Variants in BMPR2 observed in about 807,000 individuals in gnomAD.
The protein encoded by BMPR2 is bone morphogenetic protein receptor type-2.
A neutral mutation model predicts 100.8 loss-of-function variants in BMPR2; 29 were observed. The ratio of observed to expected loss-of-function variants is 0.29; its 90% CI spans 0.21 to 0.39. The LOEUF (loss-of-function observed/expected upper bound fraction) is 0.39, where lower values mean the gene tolerates loss of function less well. Among genes scored for constraint, BMPR2 ranks in the 10% least tolerant of loss-of-function variants. BMPR2 has a pLI of 1.00. For missense variants in BMPR2, 1,011 were observed against 1,274.5 expected (o/e 0.79, Z 3.15); for synonymous variants, 382 against 442.3 (o/e 0.86, Z 1.71).
At position 202,443,558 on chromosome 2, in the gene BMPR2, CTCTT is replaced by C. The variant is rs1254108281; in HGVS notation, c.77-21242_77-21239del. Among the ~76,000 whole-genome samples the C allele has an allele frequency of 2.7e-5, 4 of 149,252 alleles. 1 individual carries two copies. Among genetic ancestry groups the C allele is most frequent in the African/African-American group, 7.7e-5 (3 of 39,070 alleles). Reference sequence around the variant, plus strand: ...TCTCTCTTTCTGTCTCTCTCTTTCTCTCTTTCTTTCTTCTTTTTTTTTCAAGACG... The same window carrying C: ...TCTCTCTTTCTGTCTCTCTCTTTCTCTCTTTCTTCTTTTTTTTTCAAGACG... On this transcript the variant is annotated intron_variant, in intron 1 of 12. Coordinates refer to ENST00000374580, the MANE Select transcript of BMPR2 (RefSeq NM_001204.7).
At chr2:202,393,882 CGAGAGA>C (rs56708616) in intron 1 of BMPR2, among the ~76,000 whole-genome samples, 5,389 of 97,798 alleles carry the variant, frequency 0.055, 98 homozygotes, top group Middle Eastern at 0.072. Context: ...AATGAGAGAG[CGAGAGA>C]GAGAGAGAGA....
intron 3 of BMPR2, among the ~76,000 whole-genome samples, chr2:202,486,598 C>T (rs1398115955): frequency 6.7e-6 from 1 of 150,290 alleles, no homozygotes; most frequent in Non-Finnish European, 1.5e-5. Flanking sequence ...CATCACTGCA[C>T]CTGGGCAATA....
At chr2:202,458,300 A>AAAAAAC (rs1692162459) in intron 1 of BMPR2, among the ~76,000 whole-genome samples, 2 of 149,596 alleles carry the variant, frequency 1.3e-5, no homozygotes, top group Non-Finnish European at 3.0e-5. Context: ...AAAAAAAAAA[A>AAAAAAC]AAAAAAAACG....
chr2:202,531,930 ATTTTTTTT>A lies in BMPR2; in HGVS notation c.1129-635_1129-628del, dbSNP rs71035015. 6.5e-4 allele frequency among the ~76,000 whole-genome samples: 34 copies of A among 52,292 alleles called. 1 individual carries two copies. Among genetic ancestry groups the A allele is most frequent in the South Asian group, 5.8e-3 (6 of 1,028 alleles). 34.3% of individuals were successfully genotyped at this position (52,292 alleles called of 152,430 possible). ...AGTGTGAGCCACCACGCCCAGCTGT[ATTTTTTTT>A]TTTTTTTTTTTTTTTTTTTGAGACG... On this transcript the variant is annotated intron_variant, in intron 8 of 12. Transcript: ENST00000374580.
intron 1 of BMPR2, among the ~76,000 whole-genome samples, chr2:202,451,951 T>C (rs941044723): frequency 1.3e-5 from 2 of 151,952 alleles, no homozygotes; most frequent in African/African-American, 4.8e-5. Flanking sequence ...ATGCGGTTTC[T>C]CCATGTTGGT....
At chr2:202,538,756 C>G (rs1281415584) in intron 9 of BMPR2, among the ~76,000 whole-genome samples, 2 of 146,748 alleles carry the variant, frequency 1.4e-5, no homozygotes, top group Admixed American at 1.4e-4. Flanking sequence ...ATCGCGCCAC[C>G]GCACTCCAGC....
At chr2:202,463,297 C>G (rs910363876) in intron 1 of BMPR2, among the ~76,000 whole-genome samples, 2 of 152,106 alleles carry the variant, frequency 1.3e-5, no homozygotes, top group Non-Finnish European at 2.9e-5. Context: ...ACAGATTGAT[C>G]GGCTGACACT....
intron 1 of BMPR2, among the ~76,000 whole-genome samples, chr2:202,382,354 G>A (rs556397908): frequency 4.1e-4 from 62 of 151,990 alleles, no homozygotes; most frequent in South Asian, 2.5e-3. Flanking sequence ...CACCACACCC[G>A]AAATTTTTTT....
In BMPR2 at chr2:202,562,111, G is replaced by A. The variant is rs1688686546; in HGVS notation, c.*2165G>A. On this transcript the variant is annotated 3_prime_UTR_variant, in exon 13 of 13. Transcript: ENST00000374580. ...TTTAGGATATTCTTTTCAAATATTTGTAGGACAACTTTGAATCAAAATAAA... is the reference window on the plus strand; with the variant it reads ...TTTAGGATATTCTTTTCAAATATTTATAGGACAACTTTGAATCAAAATAAA... 1 of 151,780 alleles carries A rather than the reference G, an allele frequency of 6.6e-6. No individual in the cohort carries two copies. Among genetic ancestry groups the A allele is most frequent in the Non-Finnish European group, 1.5e-5 (1 of 67,914 alleles). 9.4% of individuals were successfully genotyped at this position (151,780 alleles called of 1,614,324 possible).
intron 7 of BMPR2, among the ~76,000 whole-genome samples, chr2:202,527,557 G>A (rs1313600742): frequency 8.1e-5 from 12 of 148,210 alleles, no homozygotes; most frequent in Admixed American, 3.4e-4. Context: ...AGGCCGAGGC[G>A]GGTGGATCAT....
chr2:202,543,599 C>A (rs940323616), intron 10 of BMPR2, among the ~76,000 whole-genome samples: 1 of 151,936 alleles, frequency 6.6e-6, no homozygotes, highest in Non-Finnish European at 1.5e-5. Context: ...TATCACTCTC[C>A]GTAAGTAACT....
At chr2:202,428,666 C>T (rs1206256665) in intron 1 of BMPR2, among the ~76,000 whole-genome samples, 1 of 152,136 alleles carries the variant, frequency 6.6e-6, no homozygotes, top group African/African-American at 2.4e-5. Context: ...CTCAGCCTCC[C>T]AAAGTGTTGG....
chr2:202,549,909 G>A (rs1180820792), intron 10 of BMPR2, among the ~76,000 whole-genome samples: 1 of 151,604 alleles, frequency 6.6e-6, no homozygotes, highest in Non-Finnish European at 1.5e-5. Flanking sequence ...ATTCTTTTTT[G>A]GGGGTGGTGG....
intron 1 of BMPR2, among the ~76,000 whole-genome samples, chr2:202,455,205 TAA>T (rs1031962390): frequency 2.0e-5 from 3 of 152,158 alleles, no homozygotes; most frequent in African/African-American, 7.2e-5. Context: ...AAAACAATAC[TAA>T]AAATTCAGTT....
At chr2:202,552,958 T>G in intron 11 of BMPR2, 70 bp downstream of exon 11, 1 of 1,568,214 alleles carries the variant, frequency 6.4e-7, no homozygotes. Flanking sequence ...GAATAGAAAA[T>G]AAATACTTTT....
chr2:202,490,049 A>G (rs1323368263), intron 3 of BMPR2, among the ~76,000 whole-genome samples: 1 of 152,218 alleles, frequency 6.6e-6, no homozygotes, highest in Non-Finnish European at 1.5e-5. Flanking sequence ...TCAAGGGGCA[A>G]CATTTACTCA....
intron 1 of BMPR2, among the ~76,000 whole-genome samples, chr2:202,390,978 G>GTTT (rs1201898500): frequency 2.3e-4 from 18 of 78,512 alleles, no homozygotes; most frequent in South Asian, 1.5e-3. Flanking sequence ...TTAGTAAGTA[G>GTTT]TCTTTTTTTT....
At chr2:202,433,862 C>A (rs1038354137) in intron 1 of BMPR2, among the ~76,000 whole-genome samples, 1 of 150,138 alleles carries the variant, frequency 6.7e-6, no homozygotes. Context: ...GAGCCAAGAT[C>A]GCACGACTAC....
chr2:202,441,878 C>CAAAA (rs1691754858), intron 1 of BMPR2, among the ~76,000 whole-genome samples: 1 of 149,606 alleles, frequency 6.7e-6, no homozygotes, highest in South Asian at 2.1e-4. Flanking sequence ...ACCAAAAATA[C>CAAAA]AAAAATTATC....
Sources: gnomAD v4.1 joint callset for allele counts (sites outside exome capture counted in the v4.1 genomes callset) on GRCh38, gnomAD v4.1.1 for gene constraint, MANE v1.5 for transcripts, NCBI Gene and HGNC (gene_info 2026-07-23, HGNC 2026-07-21) for gene names.